The following TMEM135 variants were observed in gnomAD, a reference collection of about 807,000 sequenced individuals.
TMEM135 encodes transmembrane protein 135, also known as peroxisomal membrane protein 52.
In TMEM135, 30 loss-of-function variants were observed where a neutral mutation model predicts 60.3. That is an observed-to-expected ratio of 0.50 (90% CI 0.37 to 0.68). TMEM135 has a LOEUF of 0.68. Among genes scored for constraint, TMEM135 ranks in the 30% least tolerant of loss-of-function variants. The pLI, the probability that TMEM135 is intolerant of heterozygous loss-of-function variation, is 0.00. For synonymous variants in TMEM135, 190 were observed against 186.7 expected (o/e 1.02, Z -0.14); for missense variants, 468 against 548.8 (o/e 0.85, Z 1.47).
intron 8 of TMEM135, 34 bp from the exon 9 acceptor site, chr11:87,305,902 A>G (rs747504157): frequency 1.3e-6 from 2 of 1,557,090 alleles, no homozygotes; most frequent in Non-Finnish European, 1.8e-6. Context: ...CACTTTAATT[A>G]TAATTAGTTT....
At chr11:87,286,071 G>A (rs768975407) in intron 6 of TMEM135, among the ~76,000 whole-genome samples, 8 of 151,792 alleles carry the variant, frequency 5.3e-5, no homozygotes, top group Non-Finnish European at 1.2e-4. Flanking sequence ...TGATTGGTGC[G>A]TTTACAAACC....
intron 1 of TMEM135, among the ~76,000 whole-genome samples, chr11:87,053,162 G>T (rs1214261952): frequency 2.2e-4 from 23 of 104,240 alleles, no homozygotes; most frequent in Admixed American, 6.3e-4. Flanking sequence ...TGGGGACTGT[G>T]GTGGGGTCGG....
At chr11:87,103,156 C>T (rs756021905) in intron 4 of TMEM135, among the ~76,000 whole-genome samples, 1 of 152,208 alleles carries the variant, frequency 6.6e-6, no homozygotes, top group Non-Finnish European at 1.5e-5. Flanking sequence ...ATCCCTTTGA[C>T]ATACCGATTT....
In TMEM135 at chr11:87,268,674, A is replaced by AT. The variant is rs148747982; in HGVS notation, c.510-27098dup. Among the ~76,000 whole-genome samples the AT allele has an allele frequency of 3.7e-3, 557 of 149,768 alleles. 2 individuals are homozygous for AT. The highest frequency in any genetic ancestry group is 8.7e-3 in the African/African-American group (355 of 40,810). On this transcript the variant is annotated intron_variant, in intron 6 of 14. Transcript: ENST00000305494. The stretch of plus-strand genomic sequence containing the variant: ...AATTCTATTTTGTCTCCTATTTGCT[A>AT]TTTTTTTTTTGGCTGCACAATTAGT...
At chr11:87,132,092 T>C (rs1437040835) in intron 4 of TMEM135, among the ~76,000 whole-genome samples, 1 of 152,008 alleles carries the variant, frequency 6.6e-6, no homozygotes, top group East Asian at 1.9e-4. Context: ...TTGTGGTGAG[T>C]GTATAATTAT....
intron 3 of TMEM135, among the ~76,000 whole-genome samples, chr11:87,082,606 T>C (rs1857014302): frequency 1.3e-5 from 2 of 152,252 alleles, no homozygotes; most frequent in South Asian, 2.1e-4. Context: ...AAATGGAAAG[T>C]TTTCCTCTAA....
chr11:87,320,591 AT>A (rs1345215171), intron 14 of TMEM135, among the ~76,000 whole-genome samples: 18 of 152,308 alleles, frequency 1.2e-4, no homozygotes, highest in African/African-American at 4.3e-4. Flanking sequence ...TATCCTGTAC[AT>A]TAGCTAAATT....
rs559979700 is a variant in TMEM135, at chr11:87,202,163, C to T, written c.463-34475C>T. 3.6e-4 allele frequency among the ~76,000 whole-genome samples: 55 copies of T among 152,204 alleles called. 1 individual carries two copies. The highest frequency in any genetic ancestry group is 1.3e-3 in the African/African-American group (53 of 41,542). ...GCCTCAGCCCCCCAAGTATCTGGGACTACAGGAGTGCACCACCACTCCTGG... is the reference window on the plus strand; with the variant it reads ...GCCTCAGCCCCCCAAGTATCTGGGATTACAGGAGTGCACCACCACTCCTGG... On this transcript the variant is annotated intron_variant, in intron 5 of 14. Coordinates refer to ENST00000305494, the MANE Select transcript of TMEM135 (RefSeq NM_022918.4).
chr11:87,194,723 T>C (rs117029322), intron 5 of TMEM135, among the ~76,000 whole-genome samples: 3,088 of 151,568 alleles, frequency 0.02, 32 homozygotes, highest in Non-Finnish European at 0.028. Context: ...ATAATTCTCT[T>C]TGAAGTCAGT....
intron 6 of TMEM135, among the ~76,000 whole-genome samples, chr11:87,251,776 C>T (rs1351254314): frequency 2.0e-5 from 3 of 152,208 alleles, no homozygotes; most frequent in South Asian, 4.1e-4. Context: ...AACTAAAACG[C>T]GTGAGCACCT....
Position 87,306,767 on chromosome 11 carries a change from G to A in TMEM135, c.768+762G>A, listed in dbSNP as rs191326561. 1.8e-3 allele frequency among the ~76,000 whole-genome samples: 281 copies of A among 152,114 alleles called. 1 individual carries two copies. The highest frequency in any genetic ancestry group is 6.4e-3 in the African/African-American group (266 of 41,488). ...AGAGTCTCGCTCAGCCACCCAGGCT[G>A]GAGTGCAGTGGCACTATCTCAGCTC... On this transcript the variant is annotated intron_variant, in intron 9 of 14. Coordinates refer to ENST00000305494, the MANE Select transcript of TMEM135 (RefSeq NM_022918.4).
intron 5 of TMEM135, among the ~76,000 whole-genome samples, chr11:87,228,667 G>A (rs1940819855): frequency 6.6e-6 from 1 of 152,116 alleles, no homozygotes; most frequent in South Asian, 2.1e-4. Context: ...CTGTGATCAG[G>A]TGCAAAAATC....
At chr11:87,065,729 A>T (rs1338344725) in intron 1 of TMEM135, among the ~76,000 whole-genome samples, 2 of 152,330 alleles carry the variant, frequency 1.3e-5, no homozygotes, top group East Asian at 3.9e-4. Context: ...CAAGTCTAAG[A>T]ATGCATTGTC....
At chr11:87,176,892 G>A (rs571777671) in intron 5 of TMEM135, among the ~76,000 whole-genome samples, 2 of 152,110 alleles carry the variant, frequency 1.3e-5, no homozygotes, top group Non-Finnish European at 2.9e-5. Flanking sequence ...AAGCTCAAGG[G>A]TTAAAAAACA....
intron 5 of TMEM135, among the ~76,000 whole-genome samples, chr11:87,217,904 G>A (rs1287443231): frequency 6.6e-6 from 1 of 152,134 alleles, no homozygotes; most frequent in Non-Finnish European, 1.5e-5. Flanking sequence ...CATTGCAGAG[G>A]GGATTCATGT....
rs1942467638 is a variant in TMEM135, at chr11:87,302,531, C to A, written c.698+89C>A. 2.0e-5 allele frequency: 31 copies of A among 1,524,868 alleles called. No individual in the cohort carries two copies. In the South Asian group the frequency reaches 3.2e-4, roughly 16 times the overall value. The allele number at this position is 1,524,868 out of a possible 1,614,324, so 94.5% of individuals were successfully genotyped here. Reference sequence around the variant, plus strand: ...GCCAAGGTTATTTTTGTTTTCTATTCAGGTAATGATGATCATTTTTCACCA... The same window carrying A: ...GCCAAGGTTATTTTTGTTTTCTATTAAGGTAATGATGATCATTTTTCACCA... On this transcript the variant is annotated intron_variant, in intron 8 of 14. Coordinates refer to ENST00000305494, the MANE Select transcript of TMEM135 (RefSeq NM_022918.4).
At chr11:87,249,992 C>G (rs1941378034) in intron 6 of TMEM135, among the ~76,000 whole-genome samples, 1 of 151,978 alleles carries the variant, frequency 6.6e-6, no homozygotes. Context: ...TGTCTTTGAT[C>G]TATTCAGGTT....
chr11:87,155,967 G>T (rs1160310434), intron 4 of TMEM135, among the ~76,000 whole-genome samples: 1 of 152,188 alleles, frequency 6.6e-6, no homozygotes, highest in African/African-American at 2.4e-5. Flanking sequence ...TGGACAGTAT[G>T]TACTGTTTCT....
chr11:87,074,567 T>C (rs1856833792), intron 3 of TMEM135, among the ~76,000 whole-genome samples: 1 of 152,218 alleles, frequency 6.6e-6, no homozygotes, highest in Non-Finnish European at 1.5e-5. Flanking sequence ...GTTATGTACC[T>C]ACTTTTCAAC....
Sources: allele counts gnomAD v4.1 joint callset (sites outside exome capture counted in the v4.1 genomes callset), GRCh38; gene constraint gnomAD v4.1.1; transcripts MANE v1.5; gene names NCBI Gene and HGNC (gene_info 2026-07-23, HGNC 2026-07-21).